Variants in TTC7B observed in about 807,000 individuals in gnomAD.
TTC7B encodes tetratricopeptide repeat domain 7B.
Under a neutral mutation model 106.8 loss-of-function variants are expected in TTC7B, and 28 were observed. That is an observed-to-expected ratio of 0.26 (90% CI 0.19 to 0.36). The LOEUF (loss-of-function observed/expected upper bound fraction) is 0.36. Ranked by LOEUF, TTC7B falls within the 10% of genes least tolerant of loss-of-function variation. The pLI is 1.00. For synonymous variants in TTC7B, 405 were observed against 430.6 expected (o/e 0.94, Z 0.74); for missense variants, 862 against 1,076.4 (o/e 0.80, Z 2.79).
intron 15 of TTC7B, among the ~76,000 whole-genome samples, chr14:90,628,004 T>C (rs947180695): frequency 2.0e-5 from 3 of 152,160 alleles, no homozygotes; most frequent in African/African-American, 7.2e-5. Context: ...AGCCATTTCA[T>C]ATAATGCCAT....
At position 90,570,823 on chromosome 14, in the gene TTC7B, C is replaced by T. The variant is rs542208693; in HGVS notation, c.2310+7283G>A. On this transcript the variant is annotated intron_variant, in intron 19 of 19. Coordinates refer to ENST00000328459, the MANE Select transcript of TTC7B (RefSeq NM_001010854.2). The surrounding 1 kb of genome is among the most constrained non-coding windows in gnomAD (Gnocchi z 4.0). ...CATTTAACCCGCACAGCAACACCACCGGGCACTGTTATTACTCCCATTTCA... is the reference window on the plus strand; with the variant it reads ...CATTTAACCCGCACAGCAACACCACTGGGCACTGTTATTACTCCCATTTCA... Among the ~76,000 whole-genome samples the T allele has an allele frequency of 4.7e-4, 71 of 152,248 alleles. No homozygotes were observed. Among genetic ancestry groups the T allele is most frequent in the African/African-American group, 7.0e-4 (29 of 41,528 alleles).
chr14:90,736,437 T>C (rs895366668), intron 4 of TTC7B, among the ~76,000 whole-genome samples: 7 of 151,994 alleles, frequency 4.6e-5, no homozygotes, highest in African/African-American at 1.7e-4. Context: ...CTGGGCGTAG[T>C]GGTGGGCACC....
chr14:90,622,622 C>T (rs1272061751), intron 15 of TTC7B, among the ~76,000 whole-genome samples: 2 of 151,824 alleles, frequency 1.3e-5, no homozygotes, highest in African/African-American at 2.4e-5. Context: ...CCCAGCTACT[C>T]GGGAGGCTGA....
At chr14:90,605,726 A>G in intron 17 of TTC7B, 1 of 1,286,068 alleles carries the variant, frequency 7.8e-7, no homozygotes, top group African/African-American at 1.5e-5. Flanking sequence ...TCGGTTCTTG[A>G]AAGAGGAGAG....
At position 90,759,402 on chromosome 14, in the gene TTC7B, G is replaced by A. The variant is rs913831196; in HGVS notation, c.446-14480C>T. 6.6e-6 allele frequency among the ~76,000 whole-genome samples: 1 copy of A among 152,178 alleles called. No individual in the cohort carries two copies. On this transcript the variant is annotated intron_variant, in intron 3 of 19. Coordinates refer to ENST00000328459, the MANE Select transcript of TTC7B (RefSeq NM_001010854.2). The surrounding 1 kb of genome is among the most constrained non-coding windows in gnomAD (Gnocchi z 4.1). ...GTTTTAAAATATAAAACACGAGTCTGGCCTAGGTGATGTCTTACAACCTTA... is the reference window on the plus strand; with the variant it reads ...GTTTTAAAATATAAAACACGAGTCTAGCCTAGGTGATGTCTTACAACCTTA...
intron 5 of TTC7B, chr14:90,697,938 C>G (rs1233308023): frequency 6.6e-6 from 1 of 152,200 alleles, no homozygotes; most frequent in Non-Finnish European, 1.5e-5. Context: ...AATTCTTCCT[C>G]AATCTGGGAA....
chr14:90,814,966 T>C (rs2031091532), intron 1 of TTC7B, among the ~76,000 whole-genome samples: 1 of 152,230 alleles, frequency 6.6e-6, no homozygotes, highest in Non-Finnish European at 1.5e-5. Flanking sequence ...AACCAAGTTC[T>C]AATTTCCAGG....
chr14:90,716,527 C>T (rs960203322), intron 5 of TTC7B, among the ~76,000 whole-genome samples: 1 of 152,150 alleles, frequency 6.6e-6, no homozygotes, highest in Admixed American at 6.5e-5. Flanking sequence ...CATCTTATAT[C>T]CCCAGAGCTT....
intron 17 of TTC7B, among the ~76,000 whole-genome samples, chr14:90,595,880 G>T (rs1417797595): frequency 2.0e-5 from 3 of 152,276 alleles, no homozygotes; most frequent in East Asian, 1.9e-4. Flanking sequence ...AAATGTTAAC[G>T]AATATTTGGT....
rs1889293730 is a variant in TTC7B at position 90,531,686 on chromosome 14, C to T, written c.*9682G>A. On this transcript the variant is annotated 3_prime_UTR_variant, in exon 20 of 20. Transcript: ENST00000328459. ...TTCATTTCTATACAGGAGCTCTGTC[C>T]ATCTGCCAGTGCAGACAGGCACAGT... is the stretch of plus-strand genomic sequence containing the variant. 6.6e-6 allele frequency: 1 copy of T among 150,648 alleles called. No individual in the cohort carries two copies. Among genetic ancestry groups the T allele is most frequent in the Non-Finnish European group, 1.5e-5 (1 of 67,886 alleles). The allele number at this position is 150,648 out of a possible 1,614,324, so 9.3% of individuals were successfully genotyped here. A position where few individuals can be genotyped will look rare whatever the true frequency, so the allele number is the denominator to read the frequency against.
chr14:90,563,343 C>T (rs1007650490), intron 19 of TTC7B, among the ~76,000 whole-genome samples: 1 of 152,138 alleles, frequency 6.6e-6, no homozygotes, highest in African/African-American at 2.4e-5. Flanking sequence ...TTTTTGGTGT[C>T]CCAGTGCACC....
At chr14:90,650,936 C>T (rs1164404891) in intron 13 of TTC7B, among the ~76,000 whole-genome samples, 1 of 152,200 alleles carries the variant, frequency 6.6e-6, no homozygotes, top group African/African-American at 2.4e-5. Flanking sequence ...CACTAGAGAA[C>T]AAATATGTCT....
rs1404453647 is a variant in TTC7B, at chr14:90,797,227, G to A, written c.122-10899C>T. Among the ~76,000 whole-genome samples, 2 of 103,500 alleles carry A rather than the reference G, an allele frequency of 1.9e-5. 1 individual carries two copies. The highest frequency in any genetic ancestry group is 5.0e-5 in the Non-Finnish European group (2 of 40,274). 67.9% of individuals were successfully genotyped at this position (103,500 alleles called of 152,430 possible). ...CCCAGCACTTTGGGGGGCCAAGGTG[G>A]GTGGATCATGAGGTCAGGAGTTCAA... On this transcript the variant is annotated intron_variant, in intron 1 of 19. Coordinates refer to ENST00000328459, the MANE Select transcript of TTC7B (RefSeq NM_001010854.2).
chr14:90,778,051 A>AGATGGTCAGGGCC, intron 3 of TTC7B, among the ~76,000 whole-genome samples: 1 of 152,326 alleles, frequency 6.6e-6, no homozygotes, highest in East Asian at 1.9e-4. Context: ...GGACCCAGGC[A>AGATGGTCAGGGCC]GATGGTCAGG....
Position 90,663,531 on chromosome 14 carries a change from A to G in TTC7B, c.1153-5144T>C, listed in dbSNP as rs539321642. On this transcript the variant is annotated intron_variant, in intron 9 of 19. Coordinates refer to ENST00000328459, the MANE Select transcript of TTC7B (RefSeq NM_001010854.2). The surrounding 1 kb of genome is among the most constrained non-coding windows in gnomAD (Gnocchi z 4.5). ...TTTCCAGCTAGTAGAAGTGTCAATC[A>G]ACTTTACTGATCCCACGATATCCAC... Among the ~76,000 whole-genome samples, 2 of 152,224 alleles carry G rather than the reference A, an allele frequency of 1.3e-5. No individual in the cohort carries two copies. The highest frequency in any genetic ancestry group is 1.3e-4 in the Admixed American group (2 of 15,286).
chr14:90,553,527 C>T (rs1466972316), intron 19 of TTC7B, among the ~76,000 whole-genome samples: 2 of 152,160 alleles, frequency 1.3e-5, no homozygotes, highest in African/African-American at 4.8e-5. Flanking sequence ...CAGCCCACAC[C>T]ATGAGAGGAC....
At chr14:90,708,641 A>G (rs1888311461) in intron 5 of TTC7B, among the ~76,000 whole-genome samples, 1 of 152,236 alleles carries the variant, frequency 6.6e-6, no homozygotes, top group Non-Finnish European at 1.5e-5. Context: ...TGGTCACCCA[A>G]GAGCTCTGAT....
intron 19 of TTC7B, among the ~76,000 whole-genome samples, chr14:90,551,681 C>G (rs1041931944): frequency 3.3e-5 from 5 of 152,212 alleles, no homozygotes; most frequent in African/African-American, 4.8e-5. Flanking sequence ...CTCTGAGAAG[C>G]CCACAGGAGA....
intron 15 of TTC7B, among the ~76,000 whole-genome samples, chr14:90,643,233 C>G (rs1045419098): frequency 2.6e-5 from 4 of 151,872 alleles, no homozygotes; most frequent in Admixed American, 6.6e-5. Flanking sequence ...ATGGTGAAAC[C>G]CCGTCTCTAC....
Sources: gnomAD v4.1 joint callset for allele counts (sites outside exome capture counted in the v4.1 genomes callset) on GRCh38, gnomAD v4.1.1 for gene constraint, Gnocchi (gnomAD v3.1) non-coding constraint, MANE v1.5 for transcripts, NCBI Gene and HGNC (gene_info 2026-07-23, HGNC 2026-07-21) for gene names.